RASSF8: variants seen among roughly 807,000 people sequenced by gnomAD.
RASSF8 encodes the protein ras association domain-containing protein 8.
RASSF8 carries 22 observed loss-of-function variants against 48.5 expected under a neutral mutation model. The ratio of observed to expected loss-of-function variants is 0.45; its 90% CI spans 0.32 to 0.65. The LOEUF is 0.65. RASSF8 is among the 30% of genes least tolerant of loss of function. The pLI, the probability that RASSF8 is intolerant of heterozygous loss-of-function variation, is 0.03. For missense variants in RASSF8, 418 were observed against 489.2 expected (o/e 0.85, Z 1.37); for synonymous variants, 127 against 171.5 (o/e 0.74, Z 2.03).
intron 3 of RASSF8, among the ~76,000 whole-genome samples, chr12:26,058,882 C>G (rs954611418): frequency 6.6e-6 from 1 of 152,178 alleles, no homozygotes; most frequent in Non-Finnish European, 1.5e-5. Context: ...GACAGAATAA[C>G]TAAAAGTGAA....
In RASSF8 at chr12:26,015,561, C is replaced by T. The variant is rs540282090; in HGVS notation, c.-109+20431C>T. ...TCTCATCCAAATTAATGTGTGAGGCCGTGGAAAACTGCTTATGTTTTGTGT... is the reference window on the plus strand; with the variant it reads ...TCTCATCCAAATTAATGTGTGAGGCTGTGGAAAACTGCTTATGTTTTGTGT... On this transcript the variant is annotated intron_variant, in intron 2 of 5. Transcript: ENST00000689635. Among the ~76,000 whole-genome samples, 5 of 152,160 alleles carry T rather than the reference C, an allele frequency of 3.3e-5. No individual in the cohort carries two copies. In the East Asian group the frequency reaches 7.7e-4, roughly 23 times the overall value.
At chr12:26,013,002 G>A (rs1565618315) in intron 2 of RASSF8, among the ~76,000 whole-genome samples, 1 of 152,120 alleles carries the variant, frequency 6.6e-6, no homozygotes, top group Non-Finnish European at 1.5e-5. Flanking sequence ...AGCTGTGCCA[G>A]TTTGCTCTGT....
intron 2 of RASSF8, among the ~76,000 whole-genome samples, chr12:26,051,515 TA>T (rs2137217783): frequency 6.6e-6 from 1 of 152,322 alleles, no homozygotes; most frequent in South Asian, 2.1e-4. Context: ...ACATTAAATA[TA>T]AACATTTATA....
chr12:26,053,609 C>T (rs1943540431), intron 2 of RASSF8, among the ~76,000 whole-genome samples: 1 of 77,208 alleles, frequency 1.3e-5, no homozygotes, highest in Non-Finnish European at 2.8e-5. Context: ...TATTTACTGG[C>T]TTTCTTAACA....
At chr12:26,033,522 G>GA (rs1162563084) in intron 2 of RASSF8, among the ~76,000 whole-genome samples, 1 of 151,772 alleles carries the variant, frequency 6.6e-6, no homozygotes, top group East Asian at 1.9e-4. Flanking sequence ...GGTTTTGCTA[G>GA]AAAAATGATA....
chr12:26,000,059 T>C (rs143899768), intron 2 of RASSF8, among the ~76,000 whole-genome samples: 3 of 152,330 alleles, frequency 2.0e-5, no homozygotes, highest in Admixed American at 6.5e-5. Context: ...GATCAGTGAT[T>C]CTGAATTATT....
At position 26,060,528 on chromosome 12, in the gene RASSF8, C is replaced by G. The variant is rs1266474406; in HGVS notation, c.104-3970C>G. On this transcript the variant is annotated intron_variant, in intron 3 of 5. Transcript: ENST00000689635. ...TAAGATGAGGATCGTAATATCTATA[C>G]TGCTTAACTCACAGAACTAACTAAG... is the stretch of plus-strand genomic sequence containing the variant. Among the ~76,000 whole-genome samples the G allele has an allele frequency of 2.0e-5, 3 of 152,130 alleles. 1 individual carries two copies. The highest frequency in any genetic ancestry group is 1.3e-4 in the Admixed American group (2 of 15,270).
At chr12:25,996,309 A>G (rs113166088) in intron 2 of RASSF8, among the ~76,000 whole-genome samples, 4 of 152,348 alleles carry the variant, frequency 2.6e-5, no homozygotes, top group East Asian at 1.9e-4. Flanking sequence ...ATGTAGTACA[A>G]TTGACTAAAG....
At chr12:25,981,700 G>A (rs1394513807) in intron 1 of RASSF8, among the ~76,000 whole-genome samples, 3 of 152,224 alleles carry the variant, frequency 2.0e-5, no homozygotes, top group Non-Finnish European at 2.9e-5. Context: ...TGACCTTGCT[G>A]TTTCTTGTAA....
At chr12:26,015,053 AT>A (rs1188372370) in intron 2 of RASSF8, among the ~76,000 whole-genome samples, 3 of 151,820 alleles carry the variant, frequency 2.0e-5, no homozygotes, top group Admixed American at 1.3e-4. Flanking sequence ...AAAAAAAAAA[AT>A]AGAAATTAGC....
chr12:25,961,738 A>G (rs1941239973), intron 1 of RASSF8, among the ~76,000 whole-genome samples: 1 of 152,206 alleles, frequency 6.6e-6, no homozygotes, highest in Non-Finnish European at 1.5e-5. Context: ...AAATGACAAC[A>G]TCTCAAACTC....
At chr12:25,969,912 T>C (rs1941445416) in intron 1 of RASSF8, among the ~76,000 whole-genome samples, 1 of 152,040 alleles carries the variant, frequency 6.6e-6, no homozygotes, top group South Asian at 2.1e-4. Context: ...GGATGAGAAA[T>C]GCTGCTTTAG....
chr12:26,048,864 C>T (rs1943430098), intron 2 of RASSF8, among the ~76,000 whole-genome samples: 1 of 152,170 alleles, frequency 6.6e-6, no homozygotes, highest in African/African-American at 2.4e-5. Flanking sequence ...AGCGATTCTC[C>T]TGCCTCAGCC....
chr12:26,075,838 C>T (rs1178669528), downstream of RASSF8, among the ~76,000 whole-genome samples: 2 of 152,106 alleles, frequency 1.3e-5, no homozygotes, highest in African/African-American at 2.4e-5. Context: ...AGGAGTGCGG[C>T]ATGTACACCA....
intron 2 of RASSF8, among the ~76,000 whole-genome samples, chr12:26,020,789 G>A (rs1215739028): frequency 1.3e-5 from 2 of 152,154 alleles, no homozygotes; most frequent in Admixed American, 1.3e-4. Flanking sequence ...AGTCTGTGAA[G>A]TTAATTTTCC....
At chr12:26,030,604 T>C (rs896850101) in intron 2 of RASSF8, among the ~76,000 whole-genome samples, 3 of 152,178 alleles carry the variant, frequency 2.0e-5, no homozygotes, top group African/African-American at 7.2e-5. Context: ...GCAACAGAAA[T>C]TCCCACTTAG....
chr12:26,025,542 G>A (rs1021279497), intron 2 of RASSF8, among the ~76,000 whole-genome samples: 2 of 137,616 alleles, frequency 1.5e-5, no homozygotes, highest in Admixed American at 7.6e-5. Flanking sequence ...AGCCCTGGGC[G>A]ACAGAGTGAG....
intron 1 of RASSF8, among the ~76,000 whole-genome samples, chr12:25,962,103 A>G (rs1941250136): frequency 1.3e-5 from 2 of 152,182 alleles, no homozygotes; most frequent in African/African-American, 4.8e-5. Context: ...CAGGGCTCTC[A>G]GGAAACACAT....
intron 1 of RASSF8, among the ~76,000 whole-genome samples, chr12:25,962,070 A>G (rs777757829): frequency 4.6e-5 from 7 of 151,938 alleles, no homozygotes; most frequent in Non-Finnish European, 7.4e-5. Flanking sequence ...AAAAAGAAAA[A>G]GTATTTGCCG....
Sources: allele counts gnomAD v4.1 joint callset (sites outside exome capture counted in the v4.1 genomes callset), GRCh38; gene constraint gnomAD v4.1.1; transcripts MANE v1.5; gene names NCBI Gene and HGNC (gene_info 2026-07-23, HGNC 2026-07-21).